Variants in RGS21 observed in about 807,000 individuals in gnomAD.
The protein encoded by RGS21 is regulator of G protein signaling 21.
RGS21 carries 19 observed loss-of-function variants against 18.7 expected under a neutral mutation model. The ratio of observed to expected loss-of-function variants is 1.01; its 90% confidence interval spans 0.71 to 1.49. RGS21 has a LOEUF of 1.49. RGS21 is among the 40% of genes most tolerant of loss of function. The pLI is 0.00. For missense variants in RGS21, 194 were observed against 176.8 expected (o/e 1.10, Z -0.55); for synonymous variants, 56 against 57.8 (o/e 0.97, Z 0.14).
intron 3 of RGS21, among the ~76,000 whole-genome samples, 199 bp downstream of exon 3, chr1:192,347,588 T>C (rs1354654898): frequency 1.3e-5 from 2 of 152,128 alleles, no homozygotes; most frequent in Non-Finnish European, 2.9e-5. Flanking sequence ...ACTCTGTACA[T>C]TAAAACAAAA....
intron 1 of RGS21, among the ~76,000 whole-genome samples, chr1:192,329,161 T>C (rs912089318): frequency 6.6e-6 from 1 of 152,208 alleles, no homozygotes; most frequent in Middle Eastern, 3.4e-3. Context: ...TAGTGGCCAA[T>C]ATTGTCAGGT....
At chr1:192,350,982 C>G (rs986116241) in intron 3 of RGS21, among the ~76,000 whole-genome samples, 1 of 152,122 alleles carries the variant, frequency 6.6e-6, no homozygotes, top group Non-Finnish European at 1.5e-5. Context: ...TCATAGAAAT[C>G]ACCGACTGCA....
chr1:192,326,018 T>G (rs1340394297), intron 1 of RGS21, among the ~76,000 whole-genome samples: 2 of 152,096 alleles, frequency 1.3e-5, no homozygotes, highest in African/African-American at 4.8e-5. Flanking sequence ...ATTATTTACA[T>G]TATTAAGATA....
intron 4 of RGS21, among the ~76,000 whole-genome samples, chr1:192,360,443 T>G (rs939937206): frequency 2.0e-5 from 3 of 152,144 alleles, no homozygotes; most frequent in Non-Finnish European, 4.4e-5. Context: ...TCATTCTACT[T>G]TCTGAATAGC....
intron 4 of RGS21, among the ~76,000 whole-genome samples, chr1:192,363,927 G>C (rs1053691276): frequency 6.6e-6 from 1 of 151,922 alleles, no homozygotes; most frequent in African/African-American, 2.4e-5. Flanking sequence ...CATTTATTTA[G>C]TTGTTGGTTT....
intron 1 of RGS21, among the ~76,000 whole-genome samples, chr1:192,317,433 G>A (rs1377421879): frequency 1.3e-5 from 2 of 151,222 alleles, no homozygotes; most frequent in Non-Finnish European, 1.5e-5. Context: ...GAATTTTAAA[G>A]CTAGAAGAAA....
chr1:192,346,907 T>G (rs1225896306), intron 2 of RGS21, among the ~76,000 whole-genome samples: 1 of 152,178 alleles, frequency 6.6e-6, no homozygotes, highest in Non-Finnish European at 1.5e-5. Context: ...ACATAATCTT[T>G]ACACTATAAA....
At chr1:192,333,949 T>C (rs1658727237) in intron 1 of RGS21, among the ~76,000 whole-genome samples, 1 of 152,204 alleles carries the variant, frequency 6.6e-6, no homozygotes, top group Non-Finnish European at 1.5e-5. Context: ...CCTGTGAATA[T>C]ATAATTATGT....
At chr1:192,352,505 A>G (rs1280934760) in intron 4 of RGS21, among the ~76,000 whole-genome samples, 2 of 152,062 alleles carry the variant, frequency 1.3e-5, no homozygotes, top group African/African-American at 2.4e-5. Flanking sequence ...TGCTAAAATC[A>G]ACCCAATATA....
Position 192,326,068 on chromosome 1 carries a change from G to T in RGS21, c.-61+8963G>T, listed in dbSNP as rs997949355. ...TGCGACTCATAATGGATACTTGAAA[G>T]CTATGGATCCTGCAAATATTACAAC... On this transcript the variant is annotated intron_variant, in intron 1 of 4. Transcript: ENST00000417209. Among the ~76,000 whole-genome samples, 29 of 151,950 alleles carry T rather than the reference G, an allele frequency of 1.9e-4. 1 individual carries two copies. Among genetic ancestry groups the T allele is most frequent in the Admixed American group, 1.9e-3 (29 of 15,244 alleles).
At position 192,360,846 on chromosome 1, in the gene RGS21, A is replaced by T. The variant is rs1371465708; in HGVS notation, c.256-5075A>T. Among the ~76,000 whole-genome samples the T allele has an allele frequency of 2.6e-5, 4 of 152,014 alleles. No homozygotes were observed. The South Asian group carries it at 8.3e-4, about 32-fold the overall frequency. On this transcript the variant is annotated intron_variant, in intron 4 of 4. Transcript: ENST00000417209. ...ACTTGAAAAACCAGCTTAAAATTTC[A>T]TTTCCTTCAGAAAGCTTTTCCTTAG... is the stretch of plus-strand genomic sequence containing the variant.
Position 192,365,945 on chromosome 1 carries a change from G to T in RGS21, c.280G>T (p.Asp94Tyr), listed in dbSNP as rs1557983844. 6.2e-7 allele frequency: 1 copy of T among 1,606,624 alleles called. No homozygotes were observed. The highest frequency in any genetic ancestry group is 8.5e-7 in the Non-Finnish European group (1 of 1,174,528). ...GATTAACATTGACTTCGGTACCAGA[G>T]ACCTCATCTCAAAGAATATTGCTGA... ...KEINIDFGTRDLISKNIAEPT... is the reference protein window; with the variant it reads ...KEINIDFGTRYLISKNIAEPT... The change falls in exon 5 of 5, where the codon GAC becomes TAC. Residue 94 changes from aspartate (D) to tyrosine (Y), a missense_variant. Coordinates refer to ENST00000417209, the MANE Select transcript of RGS21 (RefSeq NM_001039152.3).
chr1:192,317,220 G>A (rs899386044), intron 1 of RGS21, 115 bp downstream of exon 1: 22 of 151,854 alleles, frequency 1.4e-4, no homozygotes, highest in African/African-American at 5.3e-4. Context: ...CAAACTCAGC[G>A]AGTTTGGAAT....
intron 4 of RGS21, among the ~76,000 whole-genome samples, chr1:192,357,034 A>G (rs1365685534): frequency 6.6e-6 from 1 of 151,866 alleles, no homozygotes; most frequent in Non-Finnish European, 1.5e-5. Flanking sequence ...AAGACACCAG[A>G]TAAAAAATAA....
At chr1:192,359,778 C>A (rs543191917) in intron 4 of RGS21, among the ~76,000 whole-genome samples, 268 of 137,852 alleles carry the variant, frequency 1.9e-3, no homozygotes, top group South Asian at 0.01. Context: ...TTCTCTCTCT[C>A]TCTCTATATA....
chr1:192,350,907 T>C (rs1659031665), intron 3 of RGS21, among the ~76,000 whole-genome samples: 1 of 152,128 alleles, frequency 6.6e-6, no homozygotes, highest in Non-Finnish European at 1.5e-5. Context: ...ATATCAAATA[T>C]CTTTAGGAGC....
At chr1:192,326,781 C>T (rs1410135684) in intron 1 of RGS21, among the ~76,000 whole-genome samples, 1 of 152,154 alleles carries the variant, frequency 6.6e-6, no homozygotes, top group Non-Finnish European at 1.5e-5. Context: ...GAAGTAGCAT[C>T]TTTATGTGCC....
chr1:192,331,926 C>T (rs1039818096), intron 1 of RGS21, among the ~76,000 whole-genome samples: 3 of 151,578 alleles, frequency 2.0e-5, no homozygotes, highest in African/African-American at 7.3e-5. Flanking sequence ...AGAGAACGGT[C>T]TTAAATAAAA....
intron 1 of RGS21, among the ~76,000 whole-genome samples, chr1:192,335,770 G>C (rs1658757921): frequency 6.6e-6 from 1 of 152,104 alleles, no homozygotes; most frequent in Admixed American, 6.6e-5. Flanking sequence ...GACAAAAACT[G>C]GGTAGAGAAT....
Sources: gnomAD v4.1 joint callset for allele counts (sites outside exome capture counted in the v4.1 genomes callset) on GRCh38, gnomAD v4.1.1 for gene constraint, MANE v1.5 for transcripts, NCBI Gene and HGNC (gene_info 2026-07-23, HGNC 2026-07-21) for gene names.